PDE7A: variants seen among roughly 807,000 people sequenced by gnomAD.
PDE7A encodes the protein high affinity 3',5'-cyclic-AMP phosphodiesterase 7A.
PDE7A carries 39 observed loss-of-function variants against 64.3 expected under a neutral mutation model. That is an observed-to-expected ratio of 0.61 (90% CI 0.47 to 0.79). The LOEUF (loss-of-function observed/expected upper bound fraction) is 0.79. Ranked by LOEUF, PDE7A falls within the 30% of genes least tolerant of loss-of-function variation. The pLI is 0.00. For synonymous variants in PDE7A, 203 were observed against 206.8 expected (o/e 0.98, Z 0.16); for missense variants, 470 against 582.8 (o/e 0.81, Z 1.99).
intron 11 of PDE7A, among the ~76,000 whole-genome samples, chr8:65,723,872 C>T (rs17395878): frequency 6.6e-6 from 1 of 152,072 alleles, no homozygotes; most frequent in Non-Finnish European, 1.5e-5. Flanking sequence ...AATATACAAC[C>T]TGAAAGGAAG....
At position 65,747,713 on chromosome 8, in the gene PDE7A, C is replaced by T. The variant is rs148818295; in HGVS notation, c.374G>A (p.Arg125His). The T allele has an allele frequency of 1.1e-5, 17 of 1,611,286 alleles. No homozygotes were observed. The highest frequency in any genetic ancestry group is 1.7e-5 in the Admixed American group (1 of 59,892). ...TAGGGAATTTGAAACCGCAGTACCA[C>T]GAAAAAAGCGTGAAGATCTAAGATA... is the stretch of plus-strand genomic sequence containing the variant. ...QRYLRSSRFF[R>H]GTAVSNSLNI... The change falls in exon 4 of 13, where the codon CGT becomes CAT. Residue 125 changes from arginine to histidine, a missense_variant. By Grantham distance (29) the Arg-to-His change is conservative. Transcript: ENST00000401827.
chr8:65,801,032 C>T (rs868005258), intron 1 of PDE7A, among the ~76,000 whole-genome samples: 1 of 152,072 alleles, frequency 6.6e-6, no homozygotes, highest in African/African-American at 2.4e-5. Context: ...AGTCGTGCAC[C>T]CCTTTTGTCC....
intron 3 of PDE7A, among the ~76,000 whole-genome samples, chr8:65,753,004 T>C (rs1808040692): frequency 6.6e-6 from 1 of 152,226 alleles, no homozygotes; most frequent in Non-Finnish European, 1.5e-5. Flanking sequence ...ACTGAACTCC[T>C]TTTGTTGTCT....
chr8:65,828,281 A>G (rs1310663888), intron 1 of PDE7A, among the ~76,000 whole-genome samples: 1 of 152,146 alleles, frequency 6.6e-6, no homozygotes, highest in Non-Finnish European at 1.5e-5. Flanking sequence ...GATATATAAT[A>G]TCTTCCATGA....
intron 5 of PDE7A, among the ~76,000 whole-genome samples, chr8:65,742,165 G>T (rs1045298900): frequency 4.6e-5 from 7 of 152,176 alleles, no homozygotes; most frequent in African/African-American, 1.7e-4. Context: ...AAAGAAAATT[G>T]TATTTTTAGA....
At chr8:65,804,837 C>A (rs935863431) in intron 1 of PDE7A, among the ~76,000 whole-genome samples, 20 of 146,456 alleles carry the variant, frequency 1.4e-4, no homozygotes, top group African/African-American at 5.4e-4. Flanking sequence ...CCGTGCCCAG[C>A]CAAGTTTTCT....
intron 3 of PDE7A, among the ~76,000 whole-genome samples, chr8:65,766,517 AT>A (rs2128917774): frequency 6.6e-6 from 1 of 152,340 alleles, no homozygotes; most frequent in East Asian, 1.9e-4. Context: ...ATAGTAAAAA[AT>A]GATGCTTAGG....
At chr8:65,757,594 G>T (rs1469021808) in intron 3 of PDE7A, among the ~76,000 whole-genome samples, 3 of 151,904 alleles carry the variant, frequency 2.0e-5, no homozygotes, top group Non-Finnish European at 4.4e-5. Flanking sequence ...CTTGCTCCAA[G>T]ACTTTGTTTT....
At chr8:65,755,636 A>G (rs1366031000) in intron 3 of PDE7A, among the ~76,000 whole-genome samples, 1 of 152,256 alleles carries the variant, frequency 6.6e-6, no homozygotes, top group African/African-American at 2.4e-5. Context: ...TTTAAATCAT[A>G]TAAGTAAAAG....
At chr8:65,758,571 A>T (rs1308056364) in intron 3 of PDE7A, among the ~76,000 whole-genome samples, 1 of 152,202 alleles carries the variant, frequency 6.6e-6, no homozygotes, top group Non-Finnish European at 1.5e-5. Context: ...GTGAGCACAC[A>T]CTTGTGACGG....
intron 1 of PDE7A, among the ~76,000 whole-genome samples, chr8:65,827,804 T>C (rs1810714944): frequency 6.6e-6 from 1 of 152,194 alleles, no homozygotes; most frequent in Admixed American, 6.5e-5. Context: ...GGCTATGCTA[T>C]CTAGATTTGT....
intron 3 of PDE7A, among the ~76,000 whole-genome samples, chr8:65,750,739 A>G (rs534974777): frequency 1.3e-5 from 2 of 152,152 alleles, no homozygotes; most frequent in South Asian, 4.2e-4. Flanking sequence ...TCCCCTGCCT[A>G]ACTCTTATTT....
At chr8:65,770,396 G>A (rs1033469813) in intron 3 of PDE7A, among the ~76,000 whole-genome samples, 3 of 152,198 alleles carry the variant, frequency 2.0e-5, no homozygotes. Context: ...GGGTGAATGA[G>A]AGCCAAGCAA....
chr8:65,811,215 G>A (rs546304172), intron 1 of PDE7A, among the ~76,000 whole-genome samples: 2 of 152,246 alleles, frequency 1.3e-5, no homozygotes, highest in South Asian at 4.1e-4. Flanking sequence ...AACTCAAGGA[G>A]GTAACTAAAG....
intron 3 of PDE7A, among the ~76,000 whole-genome samples, chr8:65,769,352 T>A (rs952737874): frequency 6.6e-6 from 1 of 152,066 alleles, no homozygotes; most frequent in Admixed American, 6.5e-5. Context: ...TGACTTAACT[T>A]AAAAATTACA....
intron 7 of PDE7A, among the ~76,000 whole-genome samples, chr8:65,730,014 C>A (rs973872422): frequency 6.6e-6 from 1 of 151,738 alleles, no homozygotes; most frequent in African/African-American, 2.4e-5. Flanking sequence ...TGGTCCATGG[C>A]CTGTTAGGAA....
intron 1 of PDE7A, among the ~76,000 whole-genome samples, chr8:65,820,109 T>C (rs1418959471): frequency 6.6e-6 from 1 of 152,188 alleles, no homozygotes; most frequent in African/African-American, 2.4e-5. Context: ...TAAAAAGTAT[T>C]ACATGGCCAG....
chr8:65,806,373 G>A (rs567024482), intron 1 of PDE7A, among the ~76,000 whole-genome samples: 25 of 152,258 alleles, frequency 1.6e-4, no homozygotes, highest in Admixed American at 5.9e-4. Flanking sequence ...GAGGGAGTGG[G>A]GAGTGCTATT....
At chr8:65,816,683 TCCA>T (rs1810411767) in intron 1 of PDE7A, among the ~76,000 whole-genome samples, 2 of 152,236 alleles carry the variant, frequency 1.3e-5, no homozygotes, top group Admixed American at 6.5e-5. Flanking sequence ...GCCTTGGGCC[TCCA>T]CCAATACTGA....
Sources: gnomAD v4.1 joint callset for allele counts (sites outside exome capture counted in the v4.1 genomes callset) on GRCh38, gnomAD v4.1.1 for gene constraint, MANE v1.5 for transcripts, NCBI Gene and HGNC (gene_info 2026-07-23, HGNC 2026-07-21) for gene names.